RANBP2: variants seen among roughly 807,000 people sequenced by gnomAD.
RANBP2 encodes the protein RAN binding protein 2.
In RANBP2, 57 loss-of-function variants were observed where a neutral mutation model predicts 303.6. The ratio of observed to expected loss-of-function variants is 0.19; its 90% CI spans 0.15 to 0.23. The LOEUF is 0.23. Among genes scored for constraint, RANBP2 ranks in the 10% least tolerant of loss-of-function variants. The pLI is 1.00. For missense variants in RANBP2, 3,138 were observed against 3,780.8 expected (o/e 0.83, Z 4.46); for synonymous variants, 1,167 against 1,301.5 (o/e 0.90, Z 2.23).
the RANBP2 span, among the ~76,000 whole-genome samples, chr2:109,499,347 T>G: frequency 6.6e-6 from 1 of 151,596 alleles, no homozygotes; most frequent in Non-Finnish European, 1.5e-5. Context: ...CAGCCAGGGG[T>G]TTTTAGGCAG....
At chr2:108,926,758 G>C in the RANBP2 span, among the ~76,000 whole-genome samples, 1 of 152,258 alleles carries the variant, frequency 6.6e-6, no homozygotes, top group Non-Finnish European at 1.5e-5. Flanking sequence ...GGAGCATCAG[G>C]AGAAGCACCT....
chr2:109,466,334 G>A, the RANBP2 span, among the ~76,000 whole-genome samples: 4 of 152,104 alleles, frequency 2.6e-5, no homozygotes, highest in Non-Finnish European at 5.9e-5. Flanking sequence ...GCCCGCCTCG[G>A]CCTCCCAAAG....
At chr2:109,045,568 C>T in the RANBP2 span, among the ~76,000 whole-genome samples, 1 of 152,108 alleles carries the variant, frequency 6.6e-6, no homozygotes, top group Non-Finnish European at 1.5e-5. Context: ...TGCAAGCAAA[C>T]AGAGACCCTG....
chr2:109,659,644 G>A, the RANBP2 span, among the ~76,000 whole-genome samples: 1 of 152,194 alleles, frequency 6.6e-6, no homozygotes, highest in Non-Finnish European at 1.5e-5. Context: ...AAATCTGAAA[G>A]CCCAGGGCCA....
chr2:109,149,226 C>T, the RANBP2 span, among the ~76,000 whole-genome samples: 1 of 152,100 alleles, frequency 6.6e-6, no homozygotes, highest in African/African-American at 2.4e-5. Flanking sequence ...TGCTTTTATT[C>T]GGACTTCTCT....
chr2:108,818,209 G>A, the RANBP2 span, among the ~76,000 whole-genome samples: 8 of 152,230 alleles, frequency 5.3e-5, no homozygotes, highest in Non-Finnish European at 1.2e-4. Context: ...GGGAGGCTGA[G>A]GTGGTAGGAT....
chr2:109,283,107 C>G, the RANBP2 span, among the ~76,000 whole-genome samples: 1 of 152,176 alleles, frequency 6.6e-6, no homozygotes, highest in Non-Finnish European at 1.5e-5. Flanking sequence ...GTGATGATGG[C>G]AGATGATCAA....
At chr2:109,114,728 G>T in the RANBP2 span, among the ~76,000 whole-genome samples, 4 of 151,828 alleles carry the variant, frequency 2.6e-5, no homozygotes, top group South Asian at 6.3e-4. Flanking sequence ...TGATGTTAGG[G>T]TGTCAATTTT....
At chr2:108,827,394 T>C in the RANBP2 span, among the ~76,000 whole-genome samples, 1 of 152,208 alleles carries the variant, frequency 6.6e-6, no homozygotes, top group Admixed American at 6.5e-5. Flanking sequence ...AAACAAAATG[T>C]AGAAAACTAC....
the RANBP2 span, among the ~76,000 whole-genome samples, chr2:109,316,335 G>A: frequency 0.31 from 47,413 of 151,990 alleles, 9,174 homozygotes; most frequent in African/African-American, 0.55. Context: ...ATGTTGCCAG[G>A]TGATGGTGGC....
At chr2:108,878,725 G>T in the RANBP2 span, among the ~76,000 whole-genome samples, 1 of 152,266 alleles carries the variant, frequency 6.6e-6, no homozygotes, top group African/African-American at 2.4e-5. Context: ...GTCTATCTTA[G>T]CCTTTGTTAA....
the RANBP2 span, among the ~76,000 whole-genome samples, chr2:109,017,532 C>G: frequency 6.6e-6 from 1 of 152,262 alleles, no homozygotes; most frequent in African/African-American, 2.4e-5. Context: ...AGCTCCTGGG[C>G]AGACCTCAAG....
the RANBP2 span, among the ~76,000 whole-genome samples, chr2:108,866,742 A>G: frequency 6.6e-6 from 1 of 152,052 alleles, no homozygotes; most frequent in Non-Finnish European, 1.5e-5. Flanking sequence ...CATTAGCTGG[A>G]CGCGGTGACG....
At chr2:108,754,100 A>G (rs924925710) in intron 15 of RANBP2, 129 bp downstream of exon 15, 110 of 1,598,408 alleles carry the variant, frequency 6.9e-5, no homozygotes, top group African/African-American at 2.1e-4. Flanking sequence ...CAGAAGGGAT[A>G]TGTGTGTCTA....
chr2:108,720,046 G>A (rs1694106829), intron 1 of RANBP2: 1 of 985,080 alleles, frequency 1.0e-6, no homozygotes, highest in Non-Finnish European at 1.2e-6. Flanking sequence ...GTATCGGCGG[G>A]TTTCTTCCCA....
At chr2:108,796,356 A>AT in the RANBP2 span, among the ~76,000 whole-genome samples, 4 of 152,176 alleles carry the variant, frequency 2.6e-5, no homozygotes, top group East Asian at 7.7e-4. Flanking sequence ...GCCTGGCCAA[A>AT]TCAGTCTATA....
At chr2:109,381,910 C>T in the RANBP2 span, among the ~76,000 whole-genome samples, 1 of 151,958 alleles carries the variant, frequency 6.6e-6, no homozygotes, top group Non-Finnish European at 1.5e-5. Context: ...CAAACATGTA[C>T]GTAACACACA....
At chr2:109,191,996 C>A in the RANBP2 span, among the ~76,000 whole-genome samples, 4 of 152,206 alleles carry the variant, frequency 2.6e-5, no homozygotes, top group African/African-American at 4.8e-5. Flanking sequence ...AAACCCTCCC[C>A]CTCCACCTCA....
the RANBP2 span, among the ~76,000 whole-genome samples, chr2:109,692,288 G>A: frequency 6.6e-6 from 1 of 151,590 alleles, no homozygotes; most frequent in African/African-American, 2.4e-5. Context: ...GCTGCCTCAG[G>A]CTGGGGGCGG....
Sources: allele counts gnomAD v4.1 joint callset (sites outside exome capture counted in the v4.1 genomes callset), GRCh38; gene constraint gnomAD v4.1.1; transcripts MANE v1.5; gene names NCBI Gene and HGNC (gene_info 2026-07-23, HGNC 2026-07-21).